Variants in RBM27 observed in about 807,000 individuals in gnomAD.
The protein encoded by RBM27 is RNA-binding protein 27.
Under a neutral mutation model 135.3 loss-of-function variants are expected in RBM27, and 22 were observed. That is an observed-to-expected ratio of 0.16 (90% CI 0.12 to 0.23). The LOEUF (loss-of-function observed/expected upper bound fraction) is 0.23. Ranked by LOEUF, RBM27 falls within the 10% of genes least tolerant of loss-of-function variation. The pLI, the probability that RBM27 is intolerant of heterozygous loss-of-function variation, is 1.00. For missense variants in RBM27, 1,009 were observed against 1,281.0 expected, an observed-to-expected ratio of 0.79 and a Z score of 3.24; for synonymous variants, 481 against 442.4, an observed-to-expected ratio of 1.09 and a Z score of -1.10.
chr5:146,229,798 G>A lies in RBM27; in HGVS notation c.477G>A (p.Lys159=), dbSNP rs780172786. The A allele has an allele frequency of 6.2e-7, 1 of 1,613,938 alleles. No individual in the cohort carries two copies. Among genetic ancestry groups the A allele is most frequent in the Non-Finnish European group, 8.5e-7 (1 of 1,179,932 alleles). Residue 159 remains lysine, a synonymous_variant, in exon 5 of 21, where the codon AAG becomes AAA. Coordinates refer to ENST00000265271, the MANE Select transcript of RBM27 (RefSeq NM_018989.2). ...AGCGGAATGAATTGTACCGTGAGAA[G>A]TATGACTGGAGAAGAGGCAGGAGTA... ...YYERNELYRE[K]YDWRRGRSKS...
At chr5:146,252,272 T>C (rs929131015) in intron 9 of RBM27, among the ~76,000 whole-genome samples, 2 of 152,238 alleles carry the variant, frequency 1.3e-5, no homozygotes, top group African/African-American at 4.8e-5. Context: ...GCCGATCATA[T>C]CCTTTTTCCC....
intron 1 of RBM27, among the ~76,000 whole-genome samples, chr5:146,205,966 G>C (rs1244266939): frequency 6.6e-6 from 1 of 152,090 alleles, no homozygotes; most frequent in Non-Finnish European, 1.5e-5. Context: ...GTTTCAGTGA[G>C]CCTAGATCAG....
At chr5:146,245,162 T>G (rs1757567975) in intron 8 of RBM27, 2 of 152,176 alleles carry the variant, frequency 1.3e-5, no homozygotes, top group African/African-American at 4.8e-5. Context: ...GCATTGTATT[T>G]GGACCCCTAA....
At chr5:146,232,103 C>T (rs1756959349) in intron 6 of RBM27, among the ~76,000 whole-genome samples, 3 of 152,042 alleles carry the variant, frequency 2.0e-5, no homozygotes, top group African/African-American at 4.8e-5. Context: ...CCAGTGTATC[C>T]GTTACATCAT....
intron 19 of RBM27, among the ~76,000 whole-genome samples, chr5:146,272,450 G>C (rs1474845849): frequency 6.6e-6 from 1 of 152,180 alleles, no homozygotes; most frequent in Non-Finnish European, 1.5e-5. Context: ...AGGGACAATG[G>C]CTCATGTCTG....
intron 3 of RBM27, among the ~76,000 whole-genome samples, chr5:146,225,524 A>T (rs1045357931): frequency 9.2e-5 from 14 of 151,488 alleles, no homozygotes; most frequent in African/African-American, 3.4e-4. Flanking sequence ...TGTGTCTTAA[A>T]GTACTGGAAA....
chr5:146,203,674 G>T lies in RBM27; in HGVS notation c.-92G>T. The T allele has an allele frequency of 6.6e-6, 8 of 1,210,738 alleles. No homozygotes were observed. Among genetic ancestry groups the T allele is most frequent in the Non-Finnish European group, 9.5e-6 (8 of 844,342 alleles). The allele number at this position is 1,210,738 out of a possible 1,614,324, so 75.0% of individuals were successfully genotyped here. ...AAGATGCCCGGTGGGCTGGGGCACCGGGAGCTGTGAAGGGAACGTGAGGGG... is the reference window on the plus strand; with the variant it reads ...AAGATGCCCGGTGGGCTGGGGCACCTGGAGCTGTGAAGGGAACGTGAGGGG... On this transcript the variant is annotated 5_prime_UTR_variant, in exon 1 of 21. Transcript: ENST00000265271.
chr5:146,218,909 G>C (rs1210040405), intron 1 of RBM27, 76 bp from the exon 2 acceptor site: 8 of 854,896 alleles, frequency 9.4e-6, no homozygotes, highest in African/African-American at 1.7e-5. Flanking sequence ...TCCAAAATAA[G>C]GGTGACTTCA....
chr5:146,261,169 A>G (rs1423482416), intron 12 of RBM27, among the ~76,000 whole-genome samples: 4 of 152,210 alleles, frequency 2.6e-5, no homozygotes, highest in Non-Finnish European at 5.9e-5. Context: ...TCCAAGATCA[A>G]GGTGCTGGAT....
chr5:146,278,846 C>A lies in RBM27; in HGVS notation c.2989-5776C>A, dbSNP rs188549697. ...ATGCCATTCTCCTGCCTCAGCCTCC[C>A]GAGTAGCTGGGACTACAGGCACTCG... On this transcript the variant is annotated intron_variant, in intron 19 of 20. Coordinates refer to ENST00000265271, the MANE Select transcript of RBM27 (RefSeq NM_018989.2). Among the ~76,000 whole-genome samples, 680 of 151,868 alleles carry A rather than the reference C, an allele frequency of 4.5e-3. 1 individual carries two copies. Among genetic ancestry groups the A allele is most frequent in the Admixed American group, 0.011 (174 of 15,234 alleles).
intron 1 of RBM27, among the ~76,000 whole-genome samples, chr5:146,207,959 T>TTTC (rs1554076663): frequency 7.0e-6 from 1 of 142,448 alleles, no homozygotes; most frequent in East Asian, 2.1e-4. Context: ...AGGTTTTTTT[T>TTTC]TTTTTTTTTT....
chr5:146,286,173 A>G lies in RBM27; in HGVS notation c.*143A>G, dbSNP rs1331723802. 2 of 610,080 alleles carry G rather than the reference A, an allele frequency of 3.3e-6. No homozygotes were observed. The highest frequency in any genetic ancestry group is 5.6e-6 in the Non-Finnish European group (2 of 356,376). The allele number at this position is 610,080 out of a possible 1,614,324, so 37.8% of individuals were successfully genotyped here. ...TAGGTTCAAGAACAGCAAGTTTGCT[A>G]TTTAAACACATCTCATAACTGTACA... On this transcript the variant is annotated 3_prime_UTR_variant, in exon 21 of 21. Transcript: ENST00000265271.
At position 146,281,797 on chromosome 5, in the gene RBM27, A is replaced by G. The variant is rs1210629163; in HGVS notation, c.2989-2825A>G. Among the ~76,000 whole-genome samples the G allele has an allele frequency of 2.0e-5, 3 of 152,200 alleles. No individual in the cohort carries two copies. In the East Asian group the frequency reaches 5.8e-4, roughly 29 times the overall value. On this transcript the variant is annotated intron_variant, in intron 19 of 20. Coordinates refer to ENST00000265271, the MANE Select transcript of RBM27 (RefSeq NM_018989.2). ...AATTGACTGTAGTTTTATCACCTAAATATGCATTCCTAAATATTAGAGTAG... is the reference window on the plus strand; with the variant it reads ...AATTGACTGTAGTTTTATCACCTAAGTATGCATTCCTAAATATTAGAGTAG...
At chr5:146,266,867 C>T (rs750648730) in intron 14 of RBM27, among the ~76,000 whole-genome samples, 1 of 151,936 alleles carries the variant, frequency 6.6e-6, no homozygotes, top group Non-Finnish European at 1.5e-5. Flanking sequence ...GAGATTGAGG[C>T]GCAGCAAGCC....
At chr5:146,273,003 A>G (rs924159564) in intron 19 of RBM27, among the ~76,000 whole-genome samples, 1 of 152,200 alleles carries the variant, frequency 6.6e-6, no homozygotes, top group African/African-American at 2.4e-5. Context: ...GAGGAACACT[A>G]TACAAGTGCA....
At chr5:146,204,023 T>C (rs575250198) in intron 1 of RBM27, among the ~76,000 whole-genome samples, 199 bp downstream of exon 1, 47 of 144,658 alleles carry the variant, frequency 3.2e-4, no homozygotes, top group African/African-American at 1.2e-3. Context: ...AGAGGCGCCG[T>C]GAATATGGGG....
At chr5:146,213,423 G>A (rs756975636) in intron 1 of RBM27, among the ~76,000 whole-genome samples, 5 of 152,040 alleles carry the variant, frequency 3.3e-5, no homozygotes, top group Non-Finnish European at 7.4e-5. Flanking sequence ...TTTAATGGCT[G>A]TTGATACACA....
chr5:146,222,541 G>A (rs1756501733), intron 2 of RBM27, among the ~76,000 whole-genome samples: 1 of 152,104 alleles, frequency 6.6e-6, no homozygotes, highest in Non-Finnish European at 1.5e-5. Context: ...AAAATTAGCT[G>A]GGCGTGGTGG....
chr5:146,204,576 T>C (rs914037117), intron 1 of RBM27, among the ~76,000 whole-genome samples: 2 of 152,184 alleles, frequency 1.3e-5, no homozygotes. Flanking sequence ...TAGTTGAAGG[T>C]TGAAAGGGCT....
Sources: allele counts gnomAD v4.1 joint callset (sites outside exome capture counted in the v4.1 genomes callset), GRCh38; gene constraint gnomAD v4.1.1; transcripts MANE v1.5; gene names NCBI Gene and HGNC (gene_info 2026-07-23, HGNC 2026-07-21).